KCNT2: variants seen among roughly 807,000 people sequenced by gnomAD.
KCNT2 encodes the protein potassium channel subfamily T member 2.
In KCNT2, 67 loss-of-function variants were observed where a neutral mutation model predicts 153.8. That is an observed-to-expected ratio of 0.44 (90% CI 0.36 to 0.53). KCNT2 has a LOEUF of 0.53. KCNT2 is among the 20% of genes least tolerant of loss of function. KCNT2 has a pLI of 0.00. For missense variants in KCNT2, 975 were observed against 1,354.8 expected (o/e 0.72, Z 4.40); for synonymous variants, 500 against 458.8 (o/e 1.09, Z -1.15).
intron 1 of KCNT2, among the ~76,000 whole-genome samples, chr1:196,572,913 C>CTT: frequency 6.6e-6 from 1 of 152,052 alleles, no homozygotes; most frequent in Admixed American, 6.5e-5. Context: ...AGTTCTACTC[C>CTT]ATATACATGG....
chr1:196,549,834 G>C (rs557849067), intron 1 of KCNT2, among the ~76,000 whole-genome samples: 4 of 151,830 alleles, frequency 2.6e-5, no homozygotes, highest in Non-Finnish European at 5.9e-5. Flanking sequence ...TAAACAGCAA[G>C]CTATAAAACA....
intron 22 of KCNT2, among the ~76,000 whole-genome samples, chr1:196,288,397 T>C (rs1316182269): frequency 6.6e-6 from 1 of 152,080 alleles, no homozygotes; most frequent in Non-Finnish European, 1.5e-5. Context: ...TGAAACCATG[T>C]TAAGTATTTT....
At chr1:196,425,746 C>T (rs199554409) in intron 11 of KCNT2, 106 bp downstream of exon 11, 2 of 1,151,498 alleles carry the variant, frequency 1.7e-6, no homozygotes, top group Admixed American at 1.8e-5. Flanking sequence ...CTCAAACATA[C>T]TTTAACACAT....
chr1:196,428,025 G>A (rs1673804364), intron 10 of KCNT2, 80 bp downstream of exon 10: 2 of 1,053,870 alleles, frequency 1.9e-6, no homozygotes, highest in Admixed American at 2.0e-5. Flanking sequence ...CACAAAGCAG[G>A]CTGCACCATC....
At chr1:196,259,523 A>C in intron 25 of KCNT2, 1 of 152,094 alleles carries the variant, frequency 6.6e-6, no homozygotes, top group South Asian at 2.1e-4. Flanking sequence ...TACGGATGGA[A>C]TCTTGAACTT....
rs1174560204 is a variant in KCNT2, at chr1:196,227,193, C to T, written c.*1031G>A. 1.3e-5 allele frequency: 2 copies of T among 151,944 alleles called. No homozygotes were observed. The highest frequency in any genetic ancestry group is 2.9e-5 in the Non-Finnish European group (2 of 67,858). 9.4% of individuals were successfully genotyped at this position (151,944 alleles called of 1,614,324 possible). A position where few individuals can be genotyped will look rare whatever the true frequency, so the allele number is the denominator to read the frequency against. ...AAGTCAAAAATTTTAATACATCCTT[C>T]ATTGAGTGTTATTGTTTCATTACCA... On this transcript the variant is annotated 3_prime_UTR_variant, in exon 28 of 28. Coordinates refer to ENST00000294725, the MANE Select transcript of KCNT2 (RefSeq NM_198503.5).
At chr1:196,520,541 C>A (rs1186868644) in intron 1 of KCNT2, among the ~76,000 whole-genome samples, 3 of 151,740 alleles carry the variant, frequency 2.0e-5, no homozygotes, top group African/African-American at 7.3e-5. Context: ...TGACATGATT[C>A]TCTATCTAAA....
At chr1:196,568,053 T>C (rs1328772214) in intron 1 of KCNT2, among the ~76,000 whole-genome samples, 2 of 152,208 alleles carry the variant, frequency 1.3e-5, no homozygotes, top group Non-Finnish European at 2.9e-5. Context: ...ATCTTTTGTC[T>C]GCTCTCTCTT....
At chr1:196,492,439 C>T (rs1262012496) in intron 1 of KCNT2, 98 bp from the exon 2 acceptor site, 4 of 906,458 alleles carry the variant, frequency 4.4e-6, no homozygotes, top group Non-Finnish European at 5.8e-6. Context: ...AGTTCTCTAA[C>T]TTAAAGAATA....
Position 196,352,822 on chromosome 1 carries a change from TG to T in KCNT2, c.1404-10595del, listed in dbSNP as rs1224782356. Among the ~76,000 whole-genome samples, 4 of 152,160 alleles carry T rather than the reference TG, an allele frequency of 2.6e-5. No individual in the cohort carries two copies. The East Asian group carries it at 5.8e-4, about 22-fold the overall frequency. ...TAGGGTGTCAATTTTGGATCTTTCC[TG>T]CTTTCTCTTGTGGGCATTTAGTGCT... On this transcript the variant is annotated intron_variant, in intron 14 of 27. Transcript: ENST00000294725.
chr1:196,487,736 T>G (rs1679548416), intron 3 of KCNT2, among the ~76,000 whole-genome samples: 1 of 151,998 alleles, frequency 6.6e-6, no homozygotes, highest in Admixed American at 6.6e-5. Context: ...GAAATCGTAT[T>G]TAAAATTTGA....
intron 14 of KCNT2, among the ~76,000 whole-genome samples, chr1:196,347,411 T>C (rs1451940115): frequency 6.6e-6 from 1 of 152,174 alleles, no homozygotes; most frequent in Admixed American, 6.6e-5. Context: ...GCAAATCTTT[T>C]AATTCTATCA....
chr1:196,355,579 TG>T (rs1667108078), intron 14 of KCNT2, among the ~76,000 whole-genome samples: 1 of 151,802 alleles, frequency 6.6e-6, no homozygotes, highest in African/African-American at 2.4e-5. Context: ...AAAAGTTGAT[TG>T]TACATGAAAG....
chr1:196,459,252 C>T (rs1261652163), intron 8 of KCNT2, among the ~76,000 whole-genome samples: 1 of 151,488 alleles, frequency 6.6e-6, no homozygotes, highest in Non-Finnish European at 1.5e-5. Context: ...ATATACTTTG[C>T]CATTTAATAA....
chr1:196,397,938 G>C (rs1422935600), intron 13 of KCNT2, among the ~76,000 whole-genome samples: 1 of 150,406 alleles, frequency 6.6e-6, no homozygotes, highest in Non-Finnish European at 1.5e-5. Flanking sequence ...AACATTAGCG[G>C]TTTTTTTTAC....
chr1:196,344,853 TA>T (rs1665999091), intron 14 of KCNT2, among the ~76,000 whole-genome samples: 1 of 152,136 alleles, frequency 6.6e-6, no homozygotes, highest in African/African-American at 2.4e-5. Context: ...CATCTTTTTT[TA>T]GGATGTCATT....
chr1:196,468,966 G>GTT, intron 6 of KCNT2, 28 bp downstream of exon 6: 1 of 1,383,954 alleles, frequency 7.2e-7, no homozygotes, highest in Non-Finnish European at 1.0e-6. Flanking sequence ...TTACAAAAGT[G>GTT]TTTTTTTAAG....
chr1:196,271,257 C>T (rs1658038757), intron 25 of KCNT2, among the ~76,000 whole-genome samples: 1 of 151,998 alleles, frequency 6.6e-6, no homozygotes. Context: ...TATACCACTG[C>T]TTACAGATCA....
At chr1:196,411,446 TA>T (rs35196093) in intron 12 of KCNT2, among the ~76,000 whole-genome samples, 37,258 of 96,014 alleles carry the variant, frequency 0.39, 6,624 homozygotes, top group Middle Eastern at 0.65. Flanking sequence ...CTATTCCAGT[TA>T]AAAAAAAAAA....
Sources: gnomAD v4.1 joint callset for allele counts (sites outside exome capture counted in the v4.1 genomes callset) on GRCh38, gnomAD v4.1.1 for gene constraint, MANE v1.5 for transcripts, NCBI Gene and HGNC (gene_info 2026-07-23, HGNC 2026-07-21) for gene names.